The following AGBL4 variants were observed in gnomAD, a reference collection of about 807,000 sequenced individuals.
AGBL4 encodes AGBL carboxypeptidase 4.
A neutral mutation model predicts 66.4 loss-of-function variants in AGBL4; 58 were observed. That is an observed-to-expected ratio of 0.87 (90% CI 0.71 to 1.09). AGBL4 has a LOEUF of 1.09. Among genes scored for constraint, AGBL4 ranks in the 50% least tolerant of loss-of-function variants. The pLI is 0.00. For synonymous variants in AGBL4, 234 were observed against 222.9 expected, an observed-to-expected ratio of 1.05 and a Z score of -0.44; for missense variants, 579 against 631.0, an observed-to-expected ratio of 0.92 and a Z score of 0.88.
At chr1:48,524,848 CTT>C in the AGBL4 span, among the ~76,000 whole-genome samples, 13 of 144,334 alleles carry the variant, frequency 9.0e-5, no homozygotes, top group Non-Finnish European at 9.2e-5. Flanking sequence ...CAGCTTTCTC[CTT>C]TTTTTTTTTT....
chr1:49,104,911 C>T (rs1349989625), intron 4 of AGBL4, among the ~76,000 whole-genome samples: 1 of 152,160 alleles, frequency 6.6e-6, no homozygotes, highest in Non-Finnish European at 1.5e-5. Context: ...TCCTCCCACA[C>T]AAGAATCCTC....
At chr1:49,221,877 C>T (rs1188863866) in intron 4 of AGBL4, among the ~76,000 whole-genome samples, 1 of 152,038 alleles carries the variant, frequency 6.6e-6, no homozygotes, top group African/African-American at 2.4e-5. Context: ...AAGTGTTTAA[C>T]CCAATGACCC....
chr1:48,623,786 G>C (rs999615636), intron 9 of AGBL4, among the ~76,000 whole-genome samples: 5 of 152,218 alleles, frequency 3.3e-5, no homozygotes, highest in African/African-American at 4.8e-5. Context: ...AACCTGCTCA[G>C]ACGGGGGCAT....
chr1:49,709,648 C>G (rs1647484357), intron 2 of AGBL4, among the ~76,000 whole-genome samples: 1 of 151,984 alleles, frequency 6.6e-6, no homozygotes, highest in Non-Finnish European at 1.5e-5. Context: ...AAAGAAACTA[C>G]CATCAGAGTG....
At chr1:49,435,338 T>C (rs1185274395) in intron 3 of AGBL4, among the ~76,000 whole-genome samples, 1 of 152,224 alleles carries the variant, frequency 6.6e-6, no homozygotes, top group African/African-American at 2.4e-5. Flanking sequence ...ATGTTTATTG[T>C]CCCTCTCCTC....
intron 3 of AGBL4, among the ~76,000 whole-genome samples, chr1:49,358,058 G>A (rs898325101): frequency 1.3e-5 from 2 of 152,096 alleles, no homozygotes; most frequent in Admixed American, 6.6e-5. Context: ...AGCAACCAGA[G>A]TAGCCAGTTT....
chr1:49,509,557 G>A (rs930778028), intron 3 of AGBL4, among the ~76,000 whole-genome samples: 2 of 151,770 alleles, frequency 1.3e-5, no homozygotes, highest in Non-Finnish European at 2.9e-5. Flanking sequence ...AGGACACCAG[G>A]GAGGCCTCTA....
chr1:48,645,965 G>A (rs1036819469), intron 8 of AGBL4, among the ~76,000 whole-genome samples: 2 of 152,130 alleles, frequency 1.3e-5, no homozygotes, highest in African/African-American at 2.4e-5. Flanking sequence ...GGGGAGTGGC[G>A]AAGGGTGGGA....
chr1:49,413,723 G>C (rs1321833004), intron 3 of AGBL4, among the ~76,000 whole-genome samples: 1 of 152,166 alleles, frequency 6.6e-6, no homozygotes, highest in Non-Finnish European at 1.5e-5. Flanking sequence ...CAATTTGCCT[G>C]ATCTATACAA....
chr1:49,497,738 C>T (rs749739330), intron 3 of AGBL4, among the ~76,000 whole-genome samples: 3 of 151,986 alleles, frequency 2.0e-5, no homozygotes, highest in Non-Finnish European at 2.9e-5. Flanking sequence ...TTTTCTTGGT[C>T]AATGTGTCTA....
intron 3 of AGBL4, among the ~76,000 whole-genome samples, chr1:49,509,439 A>AT (rs1174550003): frequency 7.2e-5 from 11 of 151,808 alleles, no homozygotes; most frequent in Middle Eastern, 3.2e-3. Context: ...CTTGCCAAAT[A>AT]TTTTTTACAG....
At chr1:49,292,806 T>A (rs528132307) in intron 3 of AGBL4, among the ~76,000 whole-genome samples, 2 of 152,272 alleles carry the variant, frequency 1.3e-5, no homozygotes, top group South Asian at 4.1e-4. Context: ...CAAGGTCCCC[T>A]CTGAGCTATT....
intron 2 of AGBL4, among the ~76,000 whole-genome samples, chr1:49,719,926 CTG>C (rs1279586732): frequency 6.6e-6 from 1 of 152,064 alleles, no homozygotes; most frequent in South Asian, 2.1e-4. Flanking sequence ...TCCACCATGA[CTG>C]TAAGTTTCTC....
At chr1:49,015,671 G>T (rs541310302) in intron 5 of AGBL4, among the ~76,000 whole-genome samples, 7 of 151,892 alleles carry the variant, frequency 4.6e-5, no homozygotes, top group Non-Finnish European at 8.8e-5. Flanking sequence ...TGATCCGCCC[G>T]CCTAGGCCTC....
chr1:50,006,330 C>T (rs2148428171), intron 1 of AGBL4, among the ~76,000 whole-genome samples: 1 of 147,340 alleles, frequency 6.8e-6, no homozygotes, highest in East Asian at 2.0e-4. Context: ...CAGAGCAAGA[C>T]TCCGCCTCAA....
intron 2 of AGBL4, among the ~76,000 whole-genome samples, chr1:49,754,682 T>G (rs1433818058): frequency 1.3e-5 from 2 of 152,150 alleles, no homozygotes; most frequent in Non-Finnish European, 2.9e-5. Flanking sequence ...GGAACCCACT[T>G]GAGGAAGCAG....
rs549662181 is a variant in AGBL4 at position 49,480,357 on chromosome 1, T to C, written c.282+216956A>G. ...ACTGGTGTTAGATGGTATCTCATTG[T>C]GGTTTTGATTTGCATTTCTCTAATG... is the stretch of plus-strand genomic sequence containing the variant. On this transcript the variant is annotated intron_variant, in intron 3 of 13. Transcript: ENST00000371839. Among the ~76,000 whole-genome samples the C allele has an allele frequency of 2.6e-3, 389 of 152,156 alleles. 6 individuals carry two copies. Among genetic ancestry groups the C allele is most frequent in the Non-Finnish European group, 3.3e-3 (223 of 67,974 alleles).
intron 6 of AGBL4, among the ~76,000 whole-genome samples, chr1:48,679,736 A>T (rs1646424202): frequency 6.6e-6 from 1 of 152,226 alleles, no homozygotes. Context: ...TGGTTGTGAC[A>T]TTAAGTGGCA....
intron 3 of AGBL4, among the ~76,000 whole-genome samples, chr1:49,540,586 A>C (rs79079896): frequency 0.011 from 1,670 of 152,320 alleles, 27 homozygotes; most frequent in African/African-American, 0.038. Context: ...AAGCATAACC[A>C]AAAGTTAGCA....
Sources: gnomAD v4.1 joint callset for allele counts (sites outside exome capture counted in the v4.1 genomes callset) on GRCh38, gnomAD v4.1.1 for gene constraint, MANE v1.5 for transcripts, NCBI Gene and HGNC (gene_info 2026-07-23, HGNC 2026-07-21) for gene names.